Variants in ARB2A observed in about 807,000 individuals in gnomAD.
ARB2A encodes the protein cotranscriptional regulator ARB2A.
the ARB2A span, among the ~76,000 whole-genome samples, chr5:93,837,209 T>C: frequency 6.6e-6 from 1 of 152,146 alleles, no homozygotes; most frequent in Non-Finnish European, 1.5e-5. Flanking sequence ...TGAGAACATA[T>C]GGTATTTGGT....
the ARB2A span, among the ~76,000 whole-genome samples, chr5:93,766,614 T>C: frequency 6.6e-6 from 1 of 152,150 alleles, no homozygotes. Flanking sequence ...GTTTAACCAT[T>C]GTGGAAGTCA....
chr5:93,788,064 T>G, the ARB2A span, among the ~76,000 whole-genome samples: 1 of 152,186 alleles, frequency 6.6e-6, no homozygotes, highest in Non-Finnish European at 1.5e-5. Flanking sequence ...TGTTCTTTCC[T>G]TCACTATGTG....
At chr5:93,918,080 C>T in the ARB2A span, among the ~76,000 whole-genome samples, 13 of 152,260 alleles carry the variant, frequency 8.5e-5, no homozygotes, top group African/African-American at 3.1e-4. Context: ...AATTTCATAC[C>T]TGAATACCAT....
At chr5:94,035,667 G>A in the ARB2A span, among the ~76,000 whole-genome samples, 1 of 152,074 alleles carries the variant, frequency 6.6e-6, no homozygotes, top group Non-Finnish European at 1.5e-5. Flanking sequence ...GGAATACTAT[G>A]CAGCCATAAT....
chr5:93,664,617 C>T, the ARB2A span, among the ~76,000 whole-genome samples: 36 of 146,906 alleles, frequency 2.5e-4, no homozygotes, highest in Admixed American at 5.5e-4. Context: ...GGCGACAGAG[C>T]GAGACTTCGT....
the ARB2A span, among the ~76,000 whole-genome samples, chr5:94,097,009 T>C: frequency 8.5e-5 from 13 of 152,314 alleles, no homozygotes; most frequent in Admixed American, 5.2e-4. Flanking sequence ...CAGGGAGAGC[T>C]GCTTGGAGAA....
the ARB2A span, among the ~76,000 whole-genome samples, chr5:94,045,645 T>G: frequency 6.6e-6 from 1 of 152,186 alleles, no homozygotes; most frequent in African/African-American, 2.4e-5. Flanking sequence ...GGTCCAGAAT[T>G]TATACTAAAC....
chr5:93,977,678 G>C, the ARB2A span, among the ~76,000 whole-genome samples: 1 of 152,052 alleles, frequency 6.6e-6, no homozygotes, highest in Non-Finnish European at 1.5e-5. Flanking sequence ...AGAGAACCTA[G>C]GAAATACTCT....
At chr5:93,830,053 TATTATCAGTA>T in the ARB2A span, among the ~76,000 whole-genome samples, 11 of 151,978 alleles carry the variant, frequency 7.2e-5, no homozygotes, top group Non-Finnish European at 1.6e-4. Context: ...TGAAGAAAGA[TATTATCAGTA>T]ATTGTAGTGG....
At chr5:93,656,310 TA>T in the ARB2A span, among the ~76,000 whole-genome samples, 1 of 152,190 alleles carries the variant, frequency 6.6e-6, no homozygotes, top group Non-Finnish European at 1.5e-5. Context: ...TTCCAAACAT[TA>T]AAAAATGACA....
the ARB2A span, chr5:93,618,537 C>G: frequency 7.0e-6 from 1 of 142,200 alleles, no homozygotes. Flanking sequence ...TGGGCTACTA[C>G]CAACGCTGGT....
At chr5:93,754,386 A>C in the ARB2A span, among the ~76,000 whole-genome samples, 1 of 152,244 alleles carries the variant, frequency 6.6e-6, no homozygotes, top group South Asian at 2.1e-4. Context: ...TGGTACCCAC[A>C]GCAATGTCCT....
the ARB2A span, among the ~76,000 whole-genome samples, chr5:93,785,797 G>A: frequency 6.6e-6 from 1 of 151,832 alleles, no homozygotes; most frequent in South Asian, 2.1e-4. Flanking sequence ...AATTTATCCT[G>A]CAATACCAAT....
At chr5:93,974,537 C>T in the ARB2A span, among the ~76,000 whole-genome samples, 34 of 152,078 alleles carry the variant, frequency 2.2e-4, 1 homozygote, top group African/African-American at 8.2e-4. Context: ...TTAAACAGAT[C>T]ATCAAGGCAG....
chr5:93,870,728 AG>A, the ARB2A span, among the ~76,000 whole-genome samples: 7 of 152,174 alleles, frequency 4.6e-5, no homozygotes, highest in Admixed American at 1.3e-4. Flanking sequence ...CTGCCACATA[AG>A]GGGGGGTGGA....
the ARB2A span, among the ~76,000 whole-genome samples, chr5:93,803,206 G>A: frequency 6.6e-6 from 1 of 152,008 alleles, no homozygotes; most frequent in Non-Finnish European, 1.5e-5. Flanking sequence ...GCATGCTACT[G>A]CAGCTGGCAC....
chr5:93,684,371 G>A, the ARB2A span, among the ~76,000 whole-genome samples: 1 of 152,158 alleles, frequency 6.6e-6, no homozygotes. Context: ...AGGATTAATC[G>A]ACATAAATAC....
At chr5:93,745,036 T>G in the ARB2A span, among the ~76,000 whole-genome samples, 1 of 152,374 alleles carries the variant, frequency 6.6e-6, no homozygotes, top group Middle Eastern at 3.4e-3. Context: ...AGTGGTTTTC[T>G]GAAAGAGTTG....
the ARB2A span, among the ~76,000 whole-genome samples, chr5:93,627,862 T>C: frequency 2.6e-5 from 4 of 152,110 alleles, no homozygotes; most frequent in African/African-American, 9.7e-5. Flanking sequence ...TACATCTCCA[T>C]CAGAACTCTT....
Sources: allele counts gnomAD v4.1 joint callset (sites outside exome capture counted in the v4.1 genomes callset), GRCh38; gene constraint gnomAD v4.1.1; transcripts MANE v1.5; gene names NCBI Gene and HGNC (gene_info 2026-07-23, HGNC 2026-07-21).